The following SOS2 variants were observed in gnomAD, a reference collection of about 807,000 sequenced individuals.
SOS2 encodes the protein son of sevenless homolog 2.
In SOS2, 65 loss-of-function variants were observed where a neutral mutation model predicts 148.2. That is an observed-to-expected ratio of 0.44 (90% CI 0.36 to 0.54). SOS2 has a LOEUF of 0.54. SOS2 is among the 20% of genes least tolerant of loss of function. The probability of loss-of-function intolerance (pLI) is 0.00; values close to 1 mark genes in which losing one functional copy is unlikely to be tolerated. For missense variants in SOS2, 1,341 were observed against 1,590.2 expected, an observed-to-expected ratio of 0.84 and a Z score of 2.67; for synonymous variants, 539 against 537.1, an observed-to-expected ratio of 1.00 and a Z score of -0.05.
At position 50,136,412 on chromosome 14, in the gene SOS2, A is replaced by C. The variant is rs4898648; in HGVS notation, c.2959-2173T>G. ...ATTAGCAGGTATGGTTCTGAGATAT[A>C]AATACTAAAAGTACTATTTCAAGCA... is the stretch of plus-strand genomic sequence containing the variant. On this transcript the variant is annotated intron_variant, in intron 18 of 22. Transcript: ENST00000216373. Among the ~76,000 whole-genome samples, 247 of 152,108 alleles carry C rather than the reference A, an allele frequency of 1.6e-3. 1 individual carries two copies. Among genetic ancestry groups the C allele is most frequent in the African/African-American group, 5.7e-3 (236 of 41,462 alleles).
intron 5 of SOS2, among the ~76,000 whole-genome samples, chr14:50,184,314 G>C (rs1407752136): frequency 6.6e-6 from 1 of 152,136 alleles, no homozygotes; most frequent in Non-Finnish European, 1.5e-5. Flanking sequence ...GAACCTGACA[G>C]ACCTGAGCTT....
intron 2 of SOS2, among the ~76,000 whole-genome samples, chr14:50,201,524 C>T (rs1886487609): frequency 9.6e-6 from 1 of 104,594 alleles, no homozygotes. Flanking sequence ...AGAGGGAGAC[C>T]CCCAACAGAA....
intron 7 of SOS2, among the ~76,000 whole-genome samples, chr14:50,178,282 T>C (rs1294695646): frequency 6.6e-6 from 1 of 152,114 alleles, no homozygotes; most frequent in East Asian, 1.9e-4. Flanking sequence ...TGTTTAAAAG[T>C]GTGTGGCACC....
intron 17 of SOS2, 108 bp downstream of exon 17, chr14:50,139,834 A>G (rs1230661269): frequency 1.8e-6 from 1 of 554,114 alleles, no homozygotes; most frequent in Non-Finnish European, 3.3e-6. Context: ...AGAGCTAATA[A>G]AAGTAGATGA....
intron 1 of SOS2, among the ~76,000 whole-genome samples, chr14:50,207,838 A>ATC (rs1424233508): frequency 6.6e-6 from 1 of 150,546 alleles, no homozygotes; most frequent in Non-Finnish European, 1.5e-5. Flanking sequence ...CCCGGGAGAC[A>ATC]GACGCTGCCG....
chr14:50,140,532 A>C (rs1271174361), intron 16 of SOS2, among the ~76,000 whole-genome samples: 1 of 152,216 alleles, frequency 6.6e-6, no homozygotes, highest in African/African-American at 2.4e-5. Context: ...AGATCTTCTT[A>C]TTGAAAATTA....
intron 21 of SOS2, among the ~76,000 whole-genome samples, chr14:50,126,821 A>G (rs564633404): frequency 6.6e-6 from 1 of 152,224 alleles, no homozygotes; most frequent in South Asian, 2.1e-4. Flanking sequence ...GCTGGGGGAA[A>G]AATTATTACC....
chr14:50,226,201 T>C (rs1212516942), intron 1 of SOS2, among the ~76,000 whole-genome samples: 1 of 152,158 alleles, frequency 6.6e-6, no homozygotes, highest in Non-Finnish European at 1.5e-5. Flanking sequence ...CCAGCATTTT[T>C]GGAGGCCAAG....
chr14:50,195,843 A>G (rs974388174), intron 4 of SOS2, among the ~76,000 whole-genome samples: 2 of 152,148 alleles, frequency 1.3e-5, no homozygotes, highest in African/African-American at 4.8e-5. Flanking sequence ...AGCCTGGCCA[A>G]CATAGTGAAA....
chr14:50,220,773 G>C (rs190807028), intron 1 of SOS2, among the ~76,000 whole-genome samples: 18 of 152,236 alleles, frequency 1.2e-4, no homozygotes, highest in Admixed American at 3.9e-4. Context: ...TATTAGGTGA[G>C]AGCTTACCAT....
intron 21 of SOS2, among the ~76,000 whole-genome samples, chr14:50,125,351 A>G (rs930367463): frequency 5.9e-5 from 9 of 152,224 alleles, no homozygotes; most frequent in African/African-American, 2.2e-4. Flanking sequence ...TGGCCCTGCC[A>G]ACATCTCGAT....
intron 4 of SOS2, among the ~76,000 whole-genome samples, chr14:50,189,303 A>AAC (rs1375565344): frequency 1.5e-3 from 92 of 60,706 alleles, no homozygotes; most frequent in South Asian, 5.2e-3. Flanking sequence ...TGTATACTGT[A>AAC]ATACACACAC....
intron 1 of SOS2, among the ~76,000 whole-genome samples, chr14:50,216,537 T>C (rs1026420837): frequency 6.6e-6 from 1 of 152,082 alleles, no homozygotes; most frequent in African/African-American, 2.4e-5. Context: ...GGCAGGTAGA[T>C]TACCTGAGGT....
Position 50,145,255 on chromosome 14 carries a change from T to C in SOS2, c.2582A>G (p.Gln861Arg). ...SRIIEILQVF[Q>R]DLNNFNGVLE... ...TACGCCATTGAAATTATTCAAATCTTGAAAAACTTGCAGAATTTCTATAAT... is the reference window on the plus strand; with the variant it reads ...TACGCCATTGAAATTATTCAAATCTCGAAAAACTTGCAGAATTTCTATAAT... The change falls in exon 16 of 23, where the codon CAA (glutamine) becomes CGA (arginine). Residue 861 changes from glutamine to arginine, a missense_variant. By Grantham distance (43) the Gln-to-Arg change is conservative. Coordinates refer to ENST00000216373, the MANE Select transcript of SOS2 (RefSeq NM_006939.4). The C allele has an allele frequency of 6.2e-7, 1 of 1,612,862 alleles. No homozygotes were observed. The highest frequency in any genetic ancestry group is 8.5e-7 in the Non-Finnish European group (1 of 1,179,222).
At chr14:50,136,671 C>T (rs1884091378) in intron 18 of SOS2, among the ~76,000 whole-genome samples, 1 of 150,572 alleles carries the variant, frequency 6.6e-6, no homozygotes, top group South Asian at 2.1e-4. Flanking sequence ...TTCTCTGCAA[C>T]ATTTGCCTTC....
In SOS2 at chr14:50,121,385, G is replaced by A. The variant is rs959001241; in HGVS notation, c.3380-1001C>T. ...TTATACTGAGATTGGGAACACAGGC[G>A]CTAACTGGGAAAGAAGTTGATAAGT... On this transcript the variant is annotated intron_variant, in intron 21 of 22. Coordinates refer to ENST00000216373, the MANE Select transcript of SOS2 (RefSeq NM_006939.4). 3.3e-5 allele frequency among the ~76,000 whole-genome samples: 5 copies of A among 152,124 alleles called. No individual in the cohort carries two copies. In the South Asian group the frequency reaches 6.2e-4, roughly 19 times the overall value.
chr14:50,147,332 A>C (rs539754711), intron 14 of SOS2, among the ~76,000 whole-genome samples: 1 of 151,816 alleles, frequency 6.6e-6, no homozygotes, highest in Non-Finnish European at 1.5e-5. Context: ...ACATAGCAAG[A>C]CCTCATCTCT....
At chr14:50,198,036 G>A (rs1268903945) in intron 4 of SOS2, among the ~76,000 whole-genome samples, 1 of 149,400 alleles carries the variant, frequency 6.7e-6, no homozygotes, top group Non-Finnish European at 1.5e-5. Context: ...GGAGGAATGA[G>A]GAATTATTCC....
intron 7 of SOS2, among the ~76,000 whole-genome samples, chr14:50,175,681 A>G (rs1385620940): frequency 1.3e-5 from 2 of 152,096 alleles, no homozygotes; most frequent in Non-Finnish European, 2.9e-5. Flanking sequence ...AAACTACTGT[A>G]GAATAAATGG....
Sources: allele counts gnomAD v4.1 joint callset (sites outside exome capture counted in the v4.1 genomes callset), GRCh38; gene constraint gnomAD v4.1.1; transcripts MANE v1.5; gene names NCBI Gene and HGNC (gene_info 2026-07-23, HGNC 2026-07-21).